The following COL26A1 variants were observed in gnomAD, a reference collection of about 807,000 sequenced individuals.
The protein encoded by COL26A1 is collagen type XXVI alpha 1 chain.
COL26A1 carries 41 observed loss-of-function variants against 59.3 expected under a neutral mutation model. That is an observed-to-expected ratio of 0.69 (90% CI 0.54 to 0.90). The LOEUF (loss-of-function observed/expected upper bound fraction) is 0.90, where lower values mean the gene tolerates loss of function less well. COL26A1 is among the 40% of genes least tolerant of loss of function. The probability of loss-of-function intolerance (pLI) is 0.00; values close to 1 mark genes in which losing one functional copy is unlikely to be tolerated. For synonymous variants in COL26A1, 266 were observed against 256.0 expected (o/e 1.04, Z -0.37); for missense variants, 612 against 602.3 (o/e 1.02, Z -0.17).
At chr7:101,389,305 A>G (rs1045520338) in intron 1 of COL26A1, among the ~76,000 whole-genome samples, 11 of 149,774 alleles carry the variant, frequency 7.3e-5, no homozygotes, top group Admixed American at 2.7e-4. Context: ...GGTTGTTTCT[A>G]TATTGTTGTT....
At chr7:101,461,126 A>C (rs1420844168) in intron 3 of COL26A1, among the ~76,000 whole-genome samples, 6 of 151,980 alleles carry the variant, frequency 3.9e-5, no homozygotes, top group Non-Finnish European at 7.4e-5. Flanking sequence ...CAGGTGCACC[A>C]CACCACGCCC....
chr7:101,520,665 C>T (rs1370131404), intron 3 of COL26A1, among the ~76,000 whole-genome samples: 3 of 151,136 alleles, frequency 2.0e-5, no homozygotes, highest in South Asian at 4.2e-4. Flanking sequence ...CACACACACC[C>T]CCGTGTTCTT....
At chr7:101,368,393 C>A (rs1370464216) in intron 1 of COL26A1, among the ~76,000 whole-genome samples, 3 of 152,132 alleles carry the variant, frequency 2.0e-5, no homozygotes, top group African/African-American at 7.2e-5. Context: ...GGAAAGAATT[C>A]AAGGGTGAGT....
chr7:101,396,719 C>A (rs1201545050), intron 1 of COL26A1, among the ~76,000 whole-genome samples: 2 of 152,098 alleles, frequency 1.3e-5, no homozygotes, highest in Non-Finnish European at 2.9e-5. Flanking sequence ...ACCTCGGCCT[C>A]CCAAAGGTGC....
intron 3 of COL26A1, among the ~76,000 whole-genome samples, chr7:101,489,627 T>G (rs1041744195): frequency 1.6e-4 from 10 of 61,042 alleles, no homozygotes; most frequent in African/African-American, 9.9e-4. Context: ...CTTTCTTTCT[T>G]TCTTTCTTTC....
intron 1 of COL26A1, among the ~76,000 whole-genome samples, chr7:101,394,589 T>TC (rs1362839632): frequency 2.2e-4 from 32 of 142,844 alleles, no homozygotes; most frequent in East Asian, 1.0e-3. Flanking sequence ...TCTTTTCTTT[T>TC]TTTTTTTTTT....
intron 3 of COL26A1, among the ~76,000 whole-genome samples, chr7:101,520,662 A>ACACACC (rs915256077): frequency 2.2e-4 from 32 of 143,238 alleles, no homozygotes; most frequent in African/African-American, 3.4e-4. Flanking sequence ...ACACACACAC[A>ACACACC]CCCCCGTGTT....
intron 2 of COL26A1, among the ~76,000 whole-genome samples, chr7:101,437,427 A>G: frequency 6.9e-6 from 1 of 144,390 alleles, no homozygotes; most frequent in Non-Finnish European, 1.5e-5. Context: ...GGAGTTCTGA[A>G]TGCTGGTGGA....
At chr7:101,461,743 TG>T (rs1793617876) in intron 3 of COL26A1, among the ~76,000 whole-genome samples, 1 of 152,176 alleles carries the variant, frequency 6.6e-6, no homozygotes. Flanking sequence ...ATCCACACTG[TG>T]GCTGGGAGAA....
At chr7:101,452,792 AGTCT>A (rs1054413125) in intron 3 of COL26A1, among the ~76,000 whole-genome samples, 10 of 151,558 alleles carry the variant, frequency 6.6e-5, no homozygotes, top group Middle Eastern at 3.5e-3. Flanking sequence ...TTTGAGATGG[AGTCT>A]GTCTGTCAGC....
At chr7:101,441,722 G>A (rs974284764) in intron 2 of COL26A1, among the ~76,000 whole-genome samples, 2 of 152,164 alleles carry the variant, frequency 1.3e-5, no homozygotes, top group Admixed American at 6.6e-5. Context: ...TGGTGGGTGA[G>A]GGCCAGAGGT....
intron 1 of COL26A1, among the ~76,000 whole-genome samples, chr7:101,365,441 T>C (rs1791020642): frequency 6.6e-6 from 1 of 152,118 alleles, no homozygotes; most frequent in South Asian, 2.1e-4. Flanking sequence ...TCTGTGTTTT[T>C]TTTGAGACAG....
chr7:101,431,574 G>C (rs1792781295), intron 2 of COL26A1, among the ~76,000 whole-genome samples: 1 of 151,950 alleles, frequency 6.6e-6, no homozygotes, highest in Non-Finnish European at 1.5e-5. Context: ...GGTTTTCAAA[G>C]ATGCTTTTTA....
At chr7:101,443,935 G>A (rs931625347) in intron 2 of COL26A1, among the ~76,000 whole-genome samples, 6 of 146,294 alleles carry the variant, frequency 4.1e-5, no homozygotes, top group South Asian at 2.1e-4. Context: ...GCAGTGGTTC[G>A]ATCATGCTCA....
chr7:101,454,707 C>G (rs551035119), intron 3 of COL26A1, among the ~76,000 whole-genome samples: 5 of 152,082 alleles, frequency 3.3e-5, no homozygotes, highest in Non-Finnish European at 7.3e-5. Flanking sequence ...ATGTTCCTTG[C>G]GGAGAAAATA....
intron 3 of COL26A1, among the ~76,000 whole-genome samples, chr7:101,462,258 A>G (rs374084540): frequency 6.6e-6 from 1 of 151,950 alleles, no homozygotes; most frequent in East Asian, 1.9e-4. Context: ...TTGGCCTCCC[A>G]GAGTGCTGGG....
At chr7:101,421,566 T>C (rs1792521431) in intron 2 of COL26A1, among the ~76,000 whole-genome samples, 1 of 151,308 alleles carries the variant, frequency 6.6e-6, no homozygotes, top group South Asian at 2.1e-4. Flanking sequence ...TCCCAGCTAC[T>C]GAGGAGGCTG....
rs768628869 is a variant in COL26A1, at chr7:101,415,157, CT to C, written c.159-4809del. Among the ~76,000 whole-genome samples the C allele has an allele frequency of 6.1e-3, 897 of 147,222 alleles. 11 individuals carry two copies. Among genetic ancestry groups the C allele is most frequent in the African/African-American group, 0.021 (839 of 40,392 alleles). On this transcript the variant is annotated intron_variant, in intron 1 of 12. Transcript: ENST00000313669. The stretch of plus-strand genomic sequence containing the variant: ...TTTAGTCCTGATCATAACCCCCCCC[CT>C]TTTTTTTTTTGAGACGGAGTCTCTC...
intron 2 of COL26A1, among the ~76,000 whole-genome samples, chr7:101,443,877 T>C (rs112926735): frequency 5.1e-4 from 77 of 149,884 alleles, no homozygotes; most frequent in Middle Eastern, 3.4e-3. Flanking sequence ...CTTTTCTTTT[T>C]TTTTTTTTTT....
Sources: allele counts gnomAD v4.1 joint callset (sites outside exome capture counted in the v4.1 genomes callset), GRCh38; gene constraint gnomAD v4.1.1; transcripts MANE v1.5; gene names NCBI Gene and HGNC (gene_info 2026-07-23, HGNC 2026-07-21).